SNX5: variants seen among roughly 807,000 people sequenced by gnomAD.
SNX5 encodes sorting nexin-5.
Under a neutral mutation model 53.9 loss-of-function variants are expected in SNX5, and 31 were observed. The observed-to-expected ratio is 0.58, with a 90% CI of 0.43 to 0.78. The LOEUF is 0.78. SNX5 is among the 30% of genes least tolerant of loss of function. The pLI is 0.00. For synonymous variants in SNX5, 168 were observed against 171.1 expected, an observed-to-expected ratio of 0.98 and a Z score of 0.14; for missense variants, 471 against 478.8, an observed-to-expected ratio of 0.98 and a Z score of 0.15.
intron 12 of SNX5, 121 bp from the exon 13 acceptor site, chr20:17,942,528 G>T: frequency 1.3e-6 from 1 of 750,814 alleles, no homozygotes; most frequent in Non-Finnish European, 2.4e-6. Flanking sequence ...GAGCAAGCTG[G>T]CCCTTCTCTT....
chr20:17,962,980 A>G (rs767154817), intron 1 of SNX5: 3 of 480,998 alleles, frequency 6.2e-6, no homozygotes, highest in African/African-American at 2.0e-5. Context: ...TGGAATCAAC[A>G]TGGAACCAGA....
At chr20:17,952,331 T>C (rs2039581862) in intron 5 of SNX5, among the ~76,000 whole-genome samples, 1 of 152,208 alleles carries the variant, frequency 6.6e-6, no homozygotes, top group South Asian at 2.1e-4. Context: ...TTTGGAATTG[T>C]TAAGAAATTA....
intron 2 of SNX5, among the ~76,000 whole-genome samples, chr20:17,955,738 G>A (rs1319755516): frequency 6.6e-6 from 1 of 152,148 alleles, no homozygotes; most frequent in Non-Finnish European, 1.5e-5. Flanking sequence ...TCAGTTCTAA[G>A]AAATAAGCCA....
intron 1 of SNX5, chr20:17,961,703 C>T (rs1001066678): frequency 1.1e-5 from 11 of 985,070 alleles, no homozygotes; most frequent in Non-Finnish European, 1.3e-5. Context: ...GCTACAGTGT[C>T]TTCTCTTTCA....
chr20:17,956,840 C>T, intron 2 of SNX5, 93 bp downstream of exon 2: 2 of 747,632 alleles, frequency 2.7e-6, no homozygotes, highest in Non-Finnish European at 2.5e-6. Context: ...CGAATAGCAA[C>T]TGTTTCAAGC....
chr20:17,961,986 C>A, intron 1 of SNX5: 1 of 976,888 alleles, frequency 1.0e-6, no homozygotes. Flanking sequence ...TAAAGATTCA[C>A]ATGATACATA....
In SNX5 at chr20:17,968,716, G is replaced by A. The variant is rs933755956; in HGVS notation, c.-291C>T. On this transcript the variant is annotated 5_prime_UTR_variant, in exon 1 of 13. Coordinates refer to ENST00000377759, the MANE Select transcript of SNX5 (RefSeq NM_014426.4). ...GGGGCCTACCCTTGCTCCGCTCCAC[G>A]AGGAGGCCGCCAACCGCAGGGCCGC... The A allele has an allele frequency of 3.2e-5, 14 of 435,718 alleles. No individual in the cohort carries two copies. Among genetic ancestry groups the A allele is most frequent in the African/African-American group, 2.5e-4 (12 of 47,514 alleles). 27.0% of individuals were successfully genotyped at this position (435,718 alleles called of 1,614,324 possible).
intron 4 of SNX5, 152 bp downstream of exon 4, chr20:17,953,844 G>T: frequency 1.6e-6 from 1 of 634,276 alleles, no homozygotes; most frequent in Non-Finnish European, 2.8e-6. Flanking sequence ...CACTATGCAA[G>T]ATGTATTACT....
At chr20:17,956,673 CAAAAAAAAAAAAAAA>C (rs59252584) in intron 2 of SNX5, among the ~76,000 whole-genome samples, 59 of 84,874 alleles carry the variant, frequency 7.0e-4, no homozygotes, top group African/African-American at 2.6e-3. Context: ...AGACTGTCTC[CAAAAAAAAAAAAAAA>C]AAAAAAAAAA....
At chr20:17,949,021 A>C (rs530065370) in intron 9 of SNX5, 43 bp downstream of exon 9, 2 of 1,607,824 alleles carry the variant, frequency 1.2e-6, no homozygotes, top group Admixed American at 3.3e-5. Context: ...AAAGCTATAG[A>C]TTATAAAATA....
intron 10 of SNX5, among the ~76,000 whole-genome samples, chr20:17,948,270 G>T (rs1306987414): frequency 6.6e-6 from 1 of 152,184 alleles, no homozygotes; most frequent in Non-Finnish European, 1.5e-5. Flanking sequence ...TTAATTCCAT[G>T]AAAGTAGAAA....
intron 10 of SNX5, 112 bp from the exon 11 acceptor site, chr20:17,947,757 C>T (rs2039507354): frequency 3.7e-6 from 3 of 810,962 alleles, no homozygotes; most frequent in South Asian, 2.3e-5. Context: ...ACCTCTACAC[C>T]TTCCCTCTCC....
In SNX5 at chr20:17,950,564, C is replaced by G. The variant is rs77432307; in HGVS notation, c.610-168G>C. On this transcript the variant is annotated intron_variant, in intron 6 of 12. Coordinates refer to ENST00000377759, the MANE Select transcript of SNX5 (RefSeq NM_014426.4). ...ACAAATTTACGATACTATTTCTTAACCAAGGCTGGGAAAAATCAAGGGCTG... is the reference window on the plus strand; with the variant it reads ...ACAAATTTACGATACTATTTCTTAAGCAAGGCTGGGAAAAATCAAGGGCTG... Among the ~76,000 whole-genome samples the G allele has an allele frequency of 5.9e-3, 897 of 152,292 alleles. 9 individuals are homozygous for G. The highest frequency in any genetic ancestry group is 0.021 in the African/African-American group (876 of 41,564).
At position 17,952,441 on chromosome 20, in the gene SNX5, T is replaced by C. The variant is rs186234362; in HGVS notation, c.513+146A>G. The stretch of plus-strand genomic sequence containing the variant: ...TCTTTAAGCAGAGTTTTACAAAAAA[T>C]GACTTACAATGAAGGAAAAGCAGCA... On this transcript the variant is annotated intron_variant, in intron 5 of 12. Transcript: ENST00000377759. 3.3e-5 allele frequency: 25 copies of C among 762,250 alleles called. No homozygotes were observed. The Admixed American group carries it at 3.6e-4, about 11-fold the overall frequency. The allele number at this position is 762,250 out of a possible 1,614,324, so 47.2% of individuals were successfully genotyped here. A position where few individuals can be genotyped will look rare whatever the true frequency, so the allele number is the denominator to read the frequency against.
Position 17,948,880 on chromosome 20 carries a change from C to A in SNX5, c.918+10G>T. The A allele has an allele frequency of 6.2e-7, 1 of 1,610,174 alleles. No homozygotes were observed. The highest frequency in any genetic ancestry group is 8.5e-7 in the Non-Finnish European group (1 of 1,178,178). Reference sequence around the variant, plus strand: ...CACTGCTCTGAGAAGCTGAGCAACTCTCTTCCTACCTTAGCAGCTTCAATG... The same window carrying A: ...CACTGCTCTGAGAAGCTGAGCAACTATCTTCCTACCTTAGCAGCTTCAATG... On this transcript the variant is annotated intron_variant, in intron 10 of 12. Transcript: ENST00000377759.
intron 1 of SNX5, among the ~76,000 whole-genome samples, chr20:17,959,330 T>C (rs771306402): frequency 1.3e-5 from 2 of 152,226 alleles, no homozygotes; most frequent in Admixed American, 6.5e-5. Flanking sequence ...GTAGAGGTAA[T>C]ACCCCCGACT....
chr20:17,951,295 C>A lies in SNX5; in HGVS notation c.609+205G>T. Reference sequence around the variant, plus strand: ...AAATGAAGCCAAGTGTGGAAAGGTTCAAGTTGCTTCTCCTGGGACAGAACA... The same window carrying A: ...AAATGAAGCCAAGTGTGGAAAGGTTAAAGTTGCTTCTCCTGGGACAGAACA... On this transcript the variant is annotated intron_variant, in intron 6 of 12. Transcript: ENST00000377759. The A allele has an allele frequency of 5.6e-6, 3 of 539,376 alleles. No individual in the cohort carries two copies. In the South Asian group the frequency reaches 7.3e-5, roughly 13 times the overall value. 33.4% of individuals were successfully genotyped at this position (539,376 alleles called of 1,614,324 possible).
At chr20:17,953,693 C>T (rs1335883552) in intron 4 of SNX5, among the ~76,000 whole-genome samples, 2 of 152,168 alleles carry the variant, frequency 1.3e-5, no homozygotes, top group Admixed American at 6.5e-5. Context: ...TATAAAGGCA[C>T]AAAAGTTTAT....
At chr20:17,966,674 A>G (rs8119991) in intron 1 of SNX5, among the ~76,000 whole-genome samples, 41,441 of 152,182 alleles carry the variant, frequency 0.27, 5,978 homozygotes, top group East Asian at 0.44. Flanking sequence ...ATCCTTAGGG[A>G]GAATTCCAAA....
Sources: gnomAD v4.1 joint callset for allele counts (sites outside exome capture counted in the v4.1 genomes callset) on GRCh38, gnomAD v4.1.1 for gene constraint, MANE v1.5 for transcripts, NCBI Gene and HGNC (gene_info 2026-07-23, HGNC 2026-07-21) for gene names.